The following UNC13C variants were observed in gnomAD, a reference collection of about 807,000 sequenced individuals.
UNC13C encodes the protein unc-13 homolog C.
UNC13C carries 174 observed loss-of-function variants against 245.4 expected under a neutral mutation model. The ratio of observed to expected loss-of-function variants is 0.71; its 90% confidence interval spans 0.63 to 0.80. The LOEUF (loss-of-function observed/expected upper bound fraction) is 0.80, where lower values mean the gene tolerates loss of function less well. Ranked by LOEUF, UNC13C falls within the 30% of genes least tolerant of loss-of-function variation. The pLI is 0.00. For synonymous variants in UNC13C, 992 were observed against 895.1 expected, an observed-to-expected ratio of 1.11 and a Z score of -1.93; for missense variants, 2,829 against 2,602.9, an observed-to-expected ratio of 1.09 and a Z score of -1.89.
intron 24 of UNC13C, among the ~76,000 whole-genome samples, chr15:54,513,429 G>A (rs1023649316): frequency 1.3e-5 from 2 of 152,104 alleles, no homozygotes; most frequent in Non-Finnish European, 2.9e-5. Context: ...AATTTAACCA[G>A]ATAAATCAGA....
chr15:54,254,001 C>T lies in UNC13C; in HGVS notation c.3448+3557C>T, dbSNP rs570571713. 4.6e-5 allele frequency among the ~76,000 whole-genome samples: 7 copies of T among 152,278 alleles called. No individual in the cohort carries two copies. In the South Asian group the frequency reaches 1.5e-3, roughly 32 times the overall value. Reference sequence around the variant, plus strand: ...TAAGGCCAGAAAATATTTCACGAAACGCTCAGCAAAGAAGCATTTTGTGAG... The same window carrying T: ...TAAGGCCAGAAAATATTTCACGAAATGCTCAGCAAAGAAGCATTTTGTGAG... On this transcript the variant is annotated intron_variant, in intron 8 of 32. Transcript: ENST00000260323.
chr15:54,090,304 A>C (rs538946410), intron 2 of UNC13C, among the ~76,000 whole-genome samples: 7 of 152,268 alleles, frequency 4.6e-5, no homozygotes, highest in Admixed American at 2.6e-4. Context: ...AGAAAACAAA[A>C]AAAAAAAGCT....
intron 10 of UNC13C, among the ~76,000 whole-genome samples, chr15:54,283,710 ATGTGTGTG>A (rs56013029): frequency 0.019 from 2,849 of 149,678 alleles, 87 homozygotes; most frequent in African/African-American, 0.065. Flanking sequence ...GTATATATAT[ATGTGTGTG>A]TGTGTGTGTG....
intron 30 of UNC13C, among the ~76,000 whole-genome samples, chr15:54,599,559 G>A (rs1225812060): frequency 1.3e-5 from 2 of 152,016 alleles, no homozygotes; most frequent in African/African-American, 4.8e-5. Flanking sequence ...TTTTTCCAAC[G>A]ATATTTGTTC....
intron 2 of UNC13C, among the ~76,000 whole-genome samples, chr15:54,121,971 T>G (rs1291870391): frequency 1.3e-5 from 2 of 152,024 alleles, no homozygotes; most frequent in Non-Finnish European, 2.9e-5. Flanking sequence ...AGTGTTAAGT[T>G]TTTTATGTTG....
chr15:53,862,671 A>G, the UNC13C span, among the ~76,000 whole-genome samples: 1 of 152,150 alleles, frequency 6.6e-6, no homozygotes, highest in Non-Finnish European at 1.5e-5. Flanking sequence ...GTGGAAACCG[A>G]CTGTTCTGGT....
At chr15:54,153,223 T>C (rs1459013871) in intron 4 of UNC13C, among the ~76,000 whole-genome samples, 1 of 152,150 alleles carries the variant, frequency 6.6e-6, no homozygotes, top group Non-Finnish European at 1.5e-5. Context: ...GTTCTTAGTT[T>C]TTAGTCTGTC....
chr15:53,943,692 C>A, the UNC13C span, among the ~76,000 whole-genome samples: 6 of 152,008 alleles, frequency 3.9e-5, no homozygotes, highest in African/African-American at 1.4e-4. Flanking sequence ...ACACTTAAGT[C>A]CATGATCTGT....
chr15:54,380,721 G>A lies in UNC13C; in HGVS notation c.4714-12327G>A, dbSNP rs144139007. ...TTTCCCTGATAATAAATGATGCTGA[G>A]CATTTTTCTGTATATGTGTTGACTA... On this transcript the variant is annotated intron_variant, in intron 17 of 32. Coordinates refer to ENST00000260323, the MANE Select transcript of UNC13C (RefSeq NM_001080534.3). Among the ~76,000 whole-genome samples the A allele has an allele frequency of 2.2e-4, 33 of 152,212 alleles. No homozygotes were observed. In the East Asian group the frequency reaches 6.0e-3, roughly 28 times the overall value.
intron 30 of UNC13C, among the ~76,000 whole-genome samples, chr15:54,576,056 T>G (rs764520712): frequency 7.2e-5 from 11 of 152,192 alleles, no homozygotes; most frequent in Non-Finnish European, 1.6e-4. Flanking sequence ...AAATATTAAA[T>G]AAGGTTACAG....
chr15:54,437,483 T>G (rs1400307585), intron 19 of UNC13C, among the ~76,000 whole-genome samples: 1 of 151,952 alleles, frequency 6.6e-6, no homozygotes, highest in Non-Finnish European at 1.5e-5. Flanking sequence ...ACATTACAGC[T>G]TTTCCTTCCT....
chr15:54,412,468 G>T (rs577039530), intron 18 of UNC13C, among the ~76,000 whole-genome samples: 4 of 152,218 alleles, frequency 2.6e-5, no homozygotes, highest in Admixed American at 2.0e-4. Context: ...GCCCCCATGG[G>T]GATTACAGAT....
At chr15:54,231,617 T>A (rs1316822864) in intron 4 of UNC13C, among the ~76,000 whole-genome samples, 1 of 152,064 alleles carries the variant, frequency 6.6e-6, no homozygotes, top group Non-Finnish European at 1.5e-5. Context: ...ACTCTGTAAA[T>A]GTTGGGTACA....
intron 4 of UNC13C, among the ~76,000 whole-genome samples, chr15:54,168,840 T>G (rs559048465): frequency 6.6e-6 from 1 of 152,286 alleles, no homozygotes; most frequent in East Asian, 1.9e-4. Context: ...AACTGAACAT[T>G]AAAGAGGGCA....
intron 27 of UNC13C, among the ~76,000 whole-genome samples, chr15:54,548,781 C>T (rs1467494827): frequency 2.0e-5 from 3 of 152,086 alleles, no homozygotes; most frequent in African/African-American, 7.2e-5. Context: ...ATTTCTCTAG[C>T]ATTGAGATAT....
intron 4 of UNC13C, among the ~76,000 whole-genome samples, chr15:54,144,131 C>T (rs2032151910): frequency 1.3e-5 from 2 of 152,016 alleles, no homozygotes. Context: ...TTACACTTAA[C>T]ATAAGTATCA....
chr15:54,592,903 C>T (rs534718196), intron 30 of UNC13C, among the ~76,000 whole-genome samples: 3 of 137,008 alleles, frequency 2.2e-5, no homozygotes, highest in African/African-American at 2.7e-5. Flanking sequence ...TTGTATAGGT[C>T]TTGTGTAATT....
At chr15:54,452,224 C>A (rs1032956016) in intron 19 of UNC13C, among the ~76,000 whole-genome samples, 20 of 152,100 alleles carry the variant, frequency 1.3e-4, no homozygotes, top group African/African-American at 4.8e-4. Context: ...ATTGGCAGGT[C>A]CAGGAGGGCC....
At chr15:54,465,204 A>C (rs772326531) in intron 19 of UNC13C, among the ~76,000 whole-genome samples, 1 of 152,096 alleles carries the variant, frequency 6.6e-6, no homozygotes, top group African/African-American at 2.4e-5. Flanking sequence ...TAAGATTTCA[A>C]ATGAACTGTG....
Sources: allele counts gnomAD v4.1 joint callset (sites outside exome capture counted in the v4.1 genomes callset), GRCh38; gene constraint gnomAD v4.1.1; transcripts MANE v1.5; gene names NCBI Gene and HGNC (gene_info 2026-07-23, HGNC 2026-07-21).